HSDL2: variants seen among roughly 807,000 people sequenced by gnomAD.
The protein encoded by HSDL2 is hydroxysteroid dehydrogenase-like protein 2.
In HSDL2, 27 loss-of-function variants were observed where a neutral mutation model predicts 46.3. The observed-to-expected ratio is 0.58, with a 90% CI of 0.43 to 0.80. HSDL2 has a LOEUF of 0.80. Ranked by LOEUF, HSDL2 falls within the 30% of genes least tolerant of loss-of-function variation. HSDL2 has a pLI of 0.00. For missense variants in HSDL2, 451 were observed against 502.7 expected (o/e 0.90, Z 0.98); for synonymous variants, 153 against 163.6 (o/e 0.94, Z 0.50).
At chr9:112,428,701 CT>C (rs1036563944) in intron 6 of HSDL2, among the ~76,000 whole-genome samples, 4 of 152,176 alleles carry the variant, frequency 2.6e-5, no homozygotes, top group Non-Finnish European at 4.4e-5. Flanking sequence ...AGCCAAAAAA[CT>C]TAAAAGCTTA....
intron 6 of HSDL2, among the ~76,000 whole-genome samples, chr9:112,434,807 A>C (rs1334078615): frequency 6.6e-6 from 1 of 152,214 alleles, no homozygotes; most frequent in East Asian, 1.9e-4. Flanking sequence ...CTTTGGTCTT[A>C]AGACTGTTGG....
chr9:112,389,424 TAA>T (rs1269948584), intron 1 of HSDL2, among the ~76,000 whole-genome samples: 1 of 152,184 alleles, frequency 6.6e-6, no homozygotes, highest in Non-Finnish European at 1.5e-5. Flanking sequence ...GGTAAAATAT[TAA>T]CAATACATGA....
intron 4 of HSDL2, among the ~76,000 whole-genome samples, chr9:112,410,835 G>A (rs931595729): frequency 1.3e-5 from 2 of 152,140 alleles, no homozygotes; most frequent in African/African-American, 2.4e-5. Flanking sequence ...AAGCTGAAGT[G>A]GGGGGATTGT....
At chr9:112,448,627 C>G (rs977269461) in intron 8 of HSDL2, among the ~76,000 whole-genome samples, 1 of 152,160 alleles carries the variant, frequency 6.6e-6, no homozygotes, top group Admixed American at 6.6e-5. Context: ...TCTTGGCTCA[C>G]TGCAACGTCC....
intron 1 of HSDL2, among the ~76,000 whole-genome samples, chr9:112,396,862 G>A (rs756822188): frequency 4.6e-5 from 7 of 152,186 alleles, no homozygotes; most frequent in Non-Finnish European, 8.8e-5. Context: ...GTTGGCTGTA[G>A]GTAAGTTTGT....
intron 3 of HSDL2, among the ~76,000 whole-genome samples, 159 bp downstream of exon 3, chr9:112,405,881 C>G (rs1831714457): frequency 6.6e-6 from 1 of 152,190 alleles, no homozygotes; most frequent in Non-Finnish European, 1.5e-5. Flanking sequence ...TCTGATAAGG[C>G]TGGGCGTGGT....
rs1248542421 is a variant in HSDL2 at position 112,427,333 on chromosome 9, G to C, written c.598+8375G>C. On this transcript the variant is annotated intron_variant, in intron 6 of 10. Coordinates refer to ENST00000398805, the MANE Select transcript of HSDL2 (RefSeq NM_032303.5). Reference sequence around the variant, plus strand: ...GCCTCCCAAAGTGCTGGGATTACAGGCCTGAGCCAATGCGCCTGGCCCTCG... The same window carrying C: ...GCCTCCCAAAGTGCTGGGATTACAGCCCTGAGCCAATGCGCCTGGCCCTCG... 2.5e-4 allele frequency among the ~76,000 whole-genome samples: 38 copies of C among 152,204 alleles called. 1 individual carries two copies. Among genetic ancestry groups the C allele is most frequent in the Admixed American group, 2.5e-3 (38 of 15,282 alleles).
chr9:112,422,807 A>G (rs1832154307), intron 6 of HSDL2, among the ~76,000 whole-genome samples: 1 of 152,218 alleles, frequency 6.6e-6, no homozygotes, highest in African/African-American at 2.4e-5. Flanking sequence ...CATCTGGGAG[A>G]ACCTCAGAAT....
At chr9:112,420,446 T>TGGGA (rs35819317) in intron 6 of HSDL2, among the ~76,000 whole-genome samples, 1,536 of 151,734 alleles carry the variant, frequency 0.01, 25 homozygotes, top group African/African-American at 0.034. Flanking sequence ...TGAGATTGGA[T>TGGGA]GGGAGGATTA....
rs191561246 is a variant in HSDL2, at chr9:112,402,782, G to A, written c.18-1213G>A. On this transcript the variant is annotated intron_variant, in intron 1 of 10. Transcript: ENST00000398805. ...CTAAAAATACAAAAATTAGCTGGGC[G>A]TGGTGGCCCACGCCTGTAGTCCCAG... Among the ~76,000 whole-genome samples the A allele has an allele frequency of 5.3e-5, 8 of 151,806 alleles. No homozygotes were observed. In the East Asian group the frequency reaches 1.4e-3, roughly 26 times the overall value.
At chr9:112,405,840 A>T (rs1831713580) in intron 3 of HSDL2, 118 bp downstream of exon 3, 1 of 650,232 alleles carries the variant, frequency 1.5e-6, no homozygotes, top group African/African-American at 1.9e-5. Flanking sequence ...AGAAATACGT[A>T]TTTGCTCACA....
chr9:112,461,398 GT>G (rs1312786429), intron 10 of HSDL2, among the ~76,000 whole-genome samples: 2 of 152,086 alleles, frequency 1.3e-5, no homozygotes, highest in African/African-American at 4.8e-5. Context: ...ATTTTTAATA[GT>G]TTAGTGTTTC....
chr9:112,471,827 A>G lies in HSDL2; in HGVS notation c.*1283A>G, dbSNP rs559589279. On this transcript the variant is annotated 3_prime_UTR_variant, in exon 11 of 11. Coordinates refer to ENST00000398805, the MANE Select transcript of HSDL2 (RefSeq NM_032303.5). Reference sequence around the variant, plus strand: ...TTCAATCAGTTAAAAATACTTGCTCAGTGTAACAATTTTGCTTCTCAGCTT... The same window carrying G: ...TTCAATCAGTTAAAAATACTTGCTCGGTGTAACAATTTTGCTTCTCAGCTT... 44 of 152,346 alleles carry G rather than the reference A, an allele frequency of 2.9e-4. No individual in the cohort carries two copies. The highest frequency in any genetic ancestry group is 1.1e-3 in the African/African-American group (44 of 41,580). The allele number at this position is 152,346 out of a possible 1,614,324, so 9.4% of individuals were successfully genotyped here. A position where few individuals can be genotyped will look rare whatever the true frequency, so the allele number is the denominator to read the frequency against.
chr9:112,426,631 G>A (rs1216980833), intron 6 of HSDL2, among the ~76,000 whole-genome samples: 2 of 152,132 alleles, frequency 1.3e-5, no homozygotes, highest in African/African-American at 2.4e-5. Flanking sequence ...GGGGCCAACT[G>A]GGAGAAAGAA....
chr9:112,453,958 G>A, intron 8 of HSDL2, 55 bp from the exon 9 acceptor site: 5 of 1,542,886 alleles, frequency 3.2e-6, no homozygotes, highest in Non-Finnish European at 4.4e-6. Flanking sequence ...TTAATTCTGT[G>A]TGGGGTCCTT....
intron 7 of HSDL2, 62 bp downstream of exon 7, chr9:112,438,687 T>C: frequency 1.0e-6 from 1 of 980,838 alleles, no homozygotes; most frequent in South Asian, 1.8e-5. Flanking sequence ...GCAATGAACA[T>C]ATCTGTTTTT....
chr9:112,422,304 C>T (rs1056420545), intron 6 of HSDL2, among the ~76,000 whole-genome samples: 2 of 151,940 alleles, frequency 1.3e-5, no homozygotes, highest in African/African-American at 4.8e-5. Context: ...AATATCCAGA[C>T]ATGGAAAAAA....
chr9:112,393,951 G>A (rs533864819), intron 1 of HSDL2, among the ~76,000 whole-genome samples: 1 of 152,208 alleles, frequency 6.6e-6, no homozygotes, highest in African/African-American at 2.4e-5. Flanking sequence ...TTGAATCTAC[G>A]TTGATACTGA....
chr9:112,405,428 C>G (rs1831703690), intron 2 of HSDL2, among the ~76,000 whole-genome samples, 196 bp from the exon 3 acceptor site: 1 of 152,092 alleles, frequency 6.6e-6, no homozygotes, highest in African/African-American at 2.4e-5. Context: ...CCCACCAAAC[C>G]TTCGTTTTTG....
Sources: gnomAD v4.1 joint callset for allele counts (sites outside exome capture counted in the v4.1 genomes callset) on GRCh38, gnomAD v4.1.1 for gene constraint, MANE v1.5 for transcripts, NCBI Gene and HGNC (gene_info 2026-07-23, HGNC 2026-07-21) for gene names.